The following NUP107 variants were observed in gnomAD, a reference collection of about 807,000 sequenced individuals.
NUP107 encodes the protein nucleoporin 107.
NUP107 carries 101 observed loss-of-function variants against 141.0 expected under a neutral mutation model. The observed-to-expected ratio is 0.72, with a 90% CI of 0.61 to 0.84. NUP107 has a LOEUF of 0.84. Among genes scored for constraint, NUP107 ranks in the 40% least tolerant of loss-of-function variants. The pLI, the probability that NUP107 is intolerant of heterozygous loss-of-function variation, is 0.00. For missense variants in NUP107, 941 were observed against 1,102.7 expected, an observed-to-expected ratio of 0.85 and a Z score of 2.08; for synonymous variants, 319 against 363.9, an observed-to-expected ratio of 0.88 and a Z score of 1.41.
chr12:68,700,849 T>C lies in NUP107; in HGVS notation c.676T>C (p.Tyr226His), dbSNP rs1020052020. The C allele has an allele frequency of 3.8e-6, 6 of 1,590,152 alleles. No individual in the cohort carries two copies. The highest frequency in any genetic ancestry group is 5.1e-6 in the Non-Finnish European group (6 of 1,173,572). Residue 226 changes from tyrosine (Y) to histidine (H), a missense_variant, in exon 7 of 28, where the codon TAT becomes CAT. Physicochemically the swap from Tyr to His is moderately conservative, Grantham distance 83. Coordinates refer to ENST00000229179, the MANE Select transcript of NUP107 (RefSeq NM_020401.4). Reference protein sequence around the residue: ...MVTWRLLASLYRDRIQSALEE... With the variant: ...MVTWRLLASLHRDRIQSALEE... Reference sequence around the variant, plus strand: ...CACATGGAGGCTGCTGGCTTCTTTGTATAGGTAATGGCGTCTAGAATTCAT... The same window carrying C: ...CACATGGAGGCTGCTGGCTTCTTTGCATAGGTAATGGCGTCTAGAATTCAT...
At chr12:68,694,688 G>A (rs1592492606) in intron 5 of NUP107, among the ~76,000 whole-genome samples, 1 of 152,218 alleles carries the variant, frequency 6.6e-6, no homozygotes, top group Non-Finnish European at 1.5e-5. Flanking sequence ...GATCACCTGA[G>A]GTTGGGAGTT....
chr12:68,709,967 G>T, intron 9 of NUP107, 38 bp from the exon 10 acceptor site: 1 of 1,122,100 alleles, frequency 8.9e-7, no homozygotes, highest in Non-Finnish European at 1.3e-6. Context: ...AATAGATTTG[G>T]TAGTTAACAC....
chr12:68,713,163 G>A (rs374066129), intron 10 of NUP107, among the ~76,000 whole-genome samples: 7 of 151,776 alleles, frequency 4.6e-5, no homozygotes, highest in East Asian at 1.9e-4. Context: ...ACTTGAGGCC[G>A]GGAGTTCAAG....
intron 20 of NUP107, among the ~76,000 whole-genome samples, chr12:68,730,235 T>TTTTTTTTTTA (rs71091551): frequency 6.8e-6 from 1 of 147,396 alleles, no homozygotes; most frequent in Non-Finnish European, 1.5e-5. Flanking sequence ...TTTTTTTTTT[T>TTTTTTTTTTA]GAGAGAGTCT....
chr12:68,690,779 T>A (rs1339393741), intron 4 of NUP107, 33 bp downstream of exon 4: 1 of 1,608,500 alleles, frequency 6.2e-7, no homozygotes. Flanking sequence ...GAACTCCTTT[T>A]GGGTCGAGTG....
At chr12:68,732,910 T>C in intron 23 of NUP107, 171 bp downstream of exon 23, 1 of 418,976 alleles carries the variant, frequency 2.4e-6, no homozygotes, top group Non-Finnish European at 4.2e-6. Flanking sequence ...CTCGAACTCC[T>C]GGCCTGAAGC....
intron 6 of NUP107, among the ~76,000 whole-genome samples, chr12:68,700,021 G>A (rs1461519520): frequency 6.6e-6 from 1 of 152,066 alleles, no homozygotes; most frequent in African/African-American, 2.4e-5. Context: ...TCCTGCCTTA[G>A]CCTCCTGAGT....
At chr12:68,701,724 G>T (rs1328587289) in intron 7 of NUP107, among the ~76,000 whole-genome samples, 3 of 151,986 alleles carry the variant, frequency 2.0e-5, no homozygotes, top group African/African-American at 7.2e-5. Flanking sequence ...AACCATTTGT[G>T]TATATTCATT....
chr12:68,696,803 T>C lies in NUP107; in HGVS notation c.449-16T>C. On this transcript the variant is annotated splice_polypyrimidine_tract_variant and intron_variant, in intron 5 of 27. Coordinates refer to ENST00000229179, the MANE Select transcript of NUP107 (RefSeq NM_020401.4). ...AACTTTTCTTTATTCCTTTTTTTTT[T>C]TTTGATGTGTTCTAGCATCCATGAG... 2 of 1,419,534 alleles carry C rather than the reference T, an allele frequency of 1.4e-6. No homozygotes were observed. Among genetic ancestry groups the C allele is most frequent in the South Asian group, 2.6e-5 (2 of 77,656 alleles). The allele number at this position is 1,419,534 out of a possible 1,614,324, so 87.9% of individuals were successfully genotyped here.
intron 5 of NUP107, among the ~76,000 whole-genome samples, chr12:68,694,488 A>T (rs1875955335): frequency 6.6e-6 from 1 of 152,258 alleles, no homozygotes; most frequent in Non-Finnish European, 1.5e-5. Context: ...GGCAACCCAC[A>T]GAATGAGAGA....
intron 5 of NUP107, among the ~76,000 whole-genome samples, chr12:68,696,125 G>C (rs1214638621): frequency 6.6e-6 from 1 of 151,926 alleles, no homozygotes; most frequent in Non-Finnish European, 1.5e-5. Context: ...CAACACTTTG[G>C]GAGGCCAAGG....
intron 10 of NUP107, among the ~76,000 whole-genome samples, chr12:68,713,004 A>G (rs149947142): frequency 9.6e-4 from 146 of 152,286 alleles, no homozygotes; most frequent in African/African-American, 3.4e-3. Context: ...AGATAGATGT[A>G]TCTTAGCTCA....
At chr12:68,737,382 T>C (rs938973523) in intron 26 of NUP107, among the ~76,000 whole-genome samples, 17 of 151,868 alleles carry the variant, frequency 1.1e-4, no homozygotes, top group Non-Finnish European at 2.5e-4. Flanking sequence ...CTGGACAACA[T>C]GGGGAAACCC....
chr12:68,709,343 A>T (rs779652979), intron 9 of NUP107, 34 bp downstream of exon 9: 3 of 1,307,744 alleles, frequency 2.3e-6, no homozygotes, highest in South Asian at 1.3e-5. Context: ...TTTTTATGAA[A>T]CATGGAGAAA....
intron 24 of NUP107, 55 bp from the exon 25 acceptor site, chr12:68,734,653 T>C: frequency 7.4e-7 from 1 of 1,358,550 alleles, no homozygotes; most frequent in Non-Finnish European, 1.0e-6. Context: ...GGTGAAACGA[T>C]AAAAGTGAAA....
Position 68,719,304 on chromosome 12 carries a change from T to A in NUP107, c.1084-37T>A, listed in dbSNP as rs375265852. ...GGTTATACTTTACTATAAAGCACCC[T>A]GGTTATTGGACTGACTGCTCTTTCT... is the stretch of plus-strand genomic sequence containing the variant. On this transcript the variant is annotated intron_variant, in intron 12 of 27. Transcript: ENST00000229179. The A allele has an allele frequency of 2.0e-6, 3 of 1,499,756 alleles. No homozygotes were observed. The African/African-American group carries it at 4.1e-5, about 21-fold the overall frequency. The allele number at this position is 1,499,756 out of a possible 1,614,324, so 92.9% of individuals were successfully genotyped here.
chr12:68,707,214 G>A, intron 8 of NUP107: 1 of 403,666 alleles, frequency 2.5e-6, no homozygotes, highest in Non-Finnish European at 4.4e-6. Context: ...TTACTGCCTG[G>A]GGTACCCCCC....
rs1875647664 is a variant in NUP107, at chr12:68,689,051, T to C, written c.98T>C (p.Leu33Ser). The C allele has an allele frequency of 6.2e-7, 1 of 1,607,850 alleles. No homozygotes were observed. Among genetic ancestry groups the C allele is most frequent in the Admixed American group, 1.7e-5 (1 of 59,532 alleles). ...ARKQSAQKRV[L>S]LQASQDENFG... ...AAACAGAGTGCTCAGAAAAGAGTTT[T>C]ACGTATCCTTTGCGATTTAAGCATC... The change falls in exon 2 of 28, where the codon TTA becomes TCA. Residue 33 changes from leucine to serine, a missense_variant and splice_region_variant. Physicochemically the swap from Leu to Ser is moderately radical, Grantham distance 145. Coordinates refer to ENST00000229179, the MANE Select transcript of NUP107 (RefSeq NM_020401.4).
chr12:68,709,403 T>G (rs906189777), intron 9 of NUP107, 94 bp downstream of exon 9: 3 of 671,110 alleles, frequency 4.5e-6, no homozygotes, highest in Non-Finnish European at 7.4e-6. Context: ...TAAAACTGTT[T>G]TCTGAATTTT....
Sources: allele counts gnomAD v4.1 joint callset (sites outside exome capture counted in the v4.1 genomes callset), GRCh38; gene constraint gnomAD v4.1.1; transcripts MANE v1.5; gene names NCBI Gene and HGNC (gene_info 2026-07-23, HGNC 2026-07-21).